CYP2A7: variants seen among roughly 807,000 people sequenced by gnomAD.
CYP2A7 encodes cytochrome P450 family 2 subfamily A member 7, also known as cytochrome P450 2A7.
CYP2A7 carries 36 observed loss-of-function variants against 42.0 expected under a neutral mutation model. That is an observed-to-expected ratio of 0.86 (90% CI 0.66 to 1.13). The LOEUF is 1.13. CYP2A7 is among the 50% of genes most tolerant of loss of function. CYP2A7 has a pLI of 0.00. For synonymous variants in CYP2A7, 260 were observed against 249.5 expected (o/e 1.04, Z -0.40); for missense variants, 661 against 634.1 (o/e 1.04, Z -0.46).
chr19:40,879,209 A>G (rs1461534943), intron 4 of CYP2A7, among the ~76,000 whole-genome samples: 1 of 151,712 alleles, frequency 6.6e-6, no homozygotes, highest in African/African-American at 2.4e-5. Flanking sequence ...GCACACATCT[A>G]GGTGTTCAGA....
At chr19:40,881,902 C>A (rs1286570265) in intron 1 of CYP2A7, 129 bp downstream of exon 1, 2 of 1,502,030 alleles carry the variant, frequency 1.3e-6, no homozygotes, top group Non-Finnish European at 1.8e-6. Context: ...CTGGCTAGGA[C>A]CCGGATGCTG....
chr19:40,880,933 G>A (rs1967667269), intron 2 of CYP2A7, among the ~76,000 whole-genome samples: 1 of 148,916 alleles, frequency 6.7e-6, no homozygotes, highest in African/African-American at 2.5e-5. Flanking sequence ...AGAAACAGAG[G>A]GATAAGGGGA....
chr19:40,880,760 G>A, intron 2 of CYP2A7, 132 bp from the exon 3 acceptor site: 1 of 501,512 alleles, frequency 2.0e-6, no homozygotes, highest in Non-Finnish European at 3.0e-6. Flanking sequence ...CAGTGCCAGT[G>A]CCCAGGACAG....
At position 40,878,847 on chromosome 19, in the gene CYP2A7, T is replaced by G. The variant is rs1295214641; in HGVS notation, c.744A>C (p.Ile248=). The G allele has an allele frequency of 8.1e-6, 13 of 1,611,920 alleles. 1 individual carries two copies. Among genetic ancestry groups the G allele is most frequent in the Non-Finnish European group, 1.0e-5 (12 of 1,178,456 alleles). Residue 248 remains isoleucine (I), a synonymous_variant, in exon 5 of 9, where the codon ATA becomes ATC. Coordinates refer to ENST00000301146, the MANE Select transcript of CYP2A7 (RefSeq NM_000764.3). ...GCTGGTTGTGCTCCACCTTCTTGGC[T>G]ATGAAGTCCTCCAGCCCTTGCAGCA... ...FKLLQGLEDF[I]AKKVEHNQRT... is the part of the protein sequence containing the mutation.
intron 3 of CYP2A7, 31 bp from the exon 4 acceptor site, chr19:40,880,275 G>A (rs760228188): frequency 5.6e-6 from 9 of 1,611,300 alleles, no homozygotes; most frequent in Non-Finnish European, 7.6e-6. Context: ...GGGGGTTGGG[G>A]AGAGAGTCAA....
At position 40,875,841 on chromosome 19, in the gene CYP2A7, C is replaced by T. The variant is rs768997550; in HGVS notation, c.1337G>A (p.Arg446Lys). The change falls in exon 9 of 9, where the codon AGA becomes AAA. Residue 446 changes from arginine (R) to lysine (K), a missense_variant. Coordinates refer to ENST00000301146, the MANE Select transcript of CYP2A7 (RefSeq NM_000764.3). ...KRNCFGEGLA[R>K]MELFLFFTTV... The stretch of plus-strand genomic sequence containing the variant: ...GGTGAAGAAGAGAAAGAGCTCCATT[C>T]TGGCCAGGCCTTCTCCGAAACAGTT... 1 of 1,575,890 alleles carries T rather than the reference C, an allele frequency of 6.3e-7. No individual in the cohort carries two copies. Among genetic ancestry groups the T allele is most frequent in the South Asian group, 1.2e-5 (1 of 85,854 alleles).
rs771896417 is a variant in CYP2A7, at chr19:40,875,661, G to A, written c.*32C>T. The A allele has an allele frequency of 5.0e-6, 8 of 1,609,792 alleles. No homozygotes were observed. Among genetic ancestry groups the A allele is most frequent in the South Asian group, 4.4e-5 (4 of 90,800 alleles). On this transcript the variant is annotated 3_prime_UTR_variant, in exon 9 of 9. Coordinates refer to ENST00000301146, the MANE Select transcript of CYP2A7 (RefSeq NM_000764.3). The stretch of plus-strand genomic sequence containing the variant: ...CCTGACCCCGCCTTTCCCTGGCCCC[G>A]CCCACCAGACCTGCACCGGCACAGC...
rs770926413 is a variant in CYP2A7 at position 40,877,366 on chromosome 19, C to T, written c.985G>A (p.Glu329Lys). 10 of 1,611,752 alleles carry T rather than the reference C, an allele frequency of 6.2e-6. 1 individual carries two copies. The highest frequency in any genetic ancestry group is 6.8e-6 in the Non-Finnish European group (8 of 1,178,464). Residue 329 changes from glutamate to lysine, a missense_variant, in exon 7 of 9, where the codon GAG becomes AAG. By Grantham distance (56) the Glu-to-Lys change is moderately conservative (BLOSUM62 1). Coordinates refer to ENST00000301146, the MANE Select transcript of CYP2A7 (RefSeq NM_000764.3). ...KHPEVEAKVH[E>K]EIDRVIGKNR... is the part of the protein sequence containing the mutation. Reference sequence around the variant, plus strand: ...TTGCCGATCACTCTGTCAATCTCCTCATGGACCTTGGCTGGGGGAGGAGGG... The same window carrying T: ...TTGCCGATCACTCTGTCAATCTCCTTATGGACCTTGGCTGGGGGAGGAGGG...
Position 40,878,906 on chromosome 19 carries a change from G to A in CYP2A7, c.685C>T (p.His229Tyr), listed in dbSNP as rs373269963. The change falls in exon 5 of 9, where the codon CAC (histidine) becomes TAC (tyrosine). Residue 229 changes from histidine to tyrosine, a missense_variant. Coordinates refer to ENST00000301146, the MANE Select transcript of CYP2A7 (RefSeq NM_000764.3). ...GCCTGTTGCTGTGGTCCTGGCAGGT[G>A]TTTCATCACCGAAGAGAACATCTCA... is the stretch of plus-strand genomic sequence containing the variant. ...LYEMFSSVMK[H>Y]LPGPQQQAFK... 2.0e-5 allele frequency: 33 copies of A among 1,610,268 alleles called. No homozygotes were observed. The highest frequency in any genetic ancestry group is 2.0e-4 in the East Asian group (9 of 44,878).
At chr19:40,876,351 G>A (rs1455112892) in intron 8 of CYP2A7, 176 bp downstream of exon 8, 7 of 1,034,932 alleles carry the variant, frequency 6.8e-6, no homozygotes, top group Non-Finnish European at 1.0e-5. Flanking sequence ...TTTTACCTGG[G>A]TGCAGGTACT....
chr19:40,878,881 G>T lies in CYP2A7; in HGVS notation c.710C>A (p.Ala237Asp), dbSNP rs191637615. Residue 237 changes from alanine (A) to aspartate (D), a missense_variant, in exon 5 of 9, where the codon GCC (alanine) becomes GAC (aspartate). Coordinates refer to ENST00000301146, the MANE Select transcript of CYP2A7 (RefSeq NM_000764.3). ...MKHLPGPQQQ[A>D]FKLLQGLEDF... ...CTCCAGCCCTTGCAGCAACTTAAAG[G>T]CCTGTTGCTGTGGTCCTGGCAGGTG... The T allele has an allele frequency of 8.1e-6, 13 of 1,610,294 alleles. No individual in the cohort carries two copies. In the Admixed American group the frequency reaches 1.0e-4, roughly 12 times the overall value.
chr19:40,880,333 G>A, intron 3 of CYP2A7, 89 bp from the exon 4 acceptor site: 1 of 1,548,920 alleles, frequency 6.5e-7, no homozygotes, highest in Non-Finnish European at 8.8e-7. Flanking sequence ...GGGCCTTGTT[G>A]AGCCAAATTC....
intron 2 of CYP2A7, among the ~76,000 whole-genome samples, chr19:40,881,098 G>A (rs1019192632): frequency 2.4e-4 from 36 of 151,470 alleles, no homozygotes; most frequent in African/African-American, 8.5e-4. Flanking sequence ...GAAAAATACT[G>A]AGACAGAAAC....
chr19:40,877,613 G>A (rs754704400), intron 6 of CYP2A7, among the ~76,000 whole-genome samples: 7 of 151,416 alleles, frequency 4.6e-5, no homozygotes, highest in Non-Finnish European at 7.4e-5. Context: ...CCGGGGGAAG[G>A]GGCAGCGGGC....
At chr19:40,881,160 A>G (rs1325008246) in intron 2 of CYP2A7, among the ~76,000 whole-genome samples, 8 of 151,584 alleles carry the variant, frequency 5.3e-5, no homozygotes, top group Non-Finnish European at 1.0e-4. Context: ...GAGGCTGGAG[A>G]TGTGGAAGTA....
intron 8 of CYP2A7, 27 bp downstream of exon 8, chr19:40,876,500 G>C: frequency 6.2e-7 from 1 of 1,612,468 alleles, no homozygotes; most frequent in Non-Finnish European, 8.5e-7. Flanking sequence ...GTGAGCAGTG[G>C]CCTGGCAGCA....
In CYP2A7 at chr19:40,881,715, A is replaced by C. The variant is rs10425150; in HGVS notation, c.217T>G (p.Leu73Val). The C allele has an allele frequency of 7.4e-7, 1 of 1,348,910 alleles. No homozygotes were observed. Among genetic ancestry groups the C allele is most frequent in the African/African-American group, 1.4e-5 (1 of 69,806 alleles). The allele number at this position is 1,348,910 out of a possible 1,614,324, so 83.6% of individuals were successfully genotyped here. ...ECYGPVFTIH[L>V]GPRRVVVLCG... is the part of the protein sequence containing the mutation. ...AGCACCACGACCCGCCGGGGCCCCA[A>C]GTGAATGGTGAACACGGGGCCATAG... Residue 73 changes from leucine to valine, a missense_variant, in exon 2 of 9, where the codon TTG (leucine) becomes GTG (valine). Physicochemically the swap from Leu to Val is conservative, Grantham distance 32. Around this residue, in one of 3 missense-constraint regions of CYP2A7, gnomAD observed 614 missense variants for 552.4 expected, o/e 1.11. Transcript: ENST00000301146.
intron 2 of CYP2A7, 139 bp downstream of exon 2, chr19:40,881,450 T>G (rs1967683518): frequency 2.1e-6 from 3 of 1,439,442 alleles, no homozygotes; most frequent in Non-Finnish European, 2.8e-6. Flanking sequence ...GAGGCCACAG[T>G]GAAGGGAGAT....
intron 2 of CYP2A7, among the ~76,000 whole-genome samples, chr19:40,881,179 A>C (rs1169534784): frequency 6.6e-6 from 1 of 151,690 alleles, no homozygotes; most frequent in East Asian, 1.9e-4. Flanking sequence ...TAAGAATAGC[A>C]TGAAATCCTA....
Sources: allele counts gnomAD v4.1 joint callset (sites outside exome capture counted in the v4.1 genomes callset), GRCh38; gene constraint gnomAD v4.1.1; regional missense constraint gnomAD v4.1.1; transcripts MANE v1.5; gene names NCBI Gene and HGNC (gene_info 2026-07-23, HGNC 2026-07-21).